Variants in RMDN1 observed in about 807,000 individuals in gnomAD.
RMDN1 encodes the protein regulator of microtubule dynamics 1.
In RMDN1, 48 loss-of-function variants were observed where a neutral mutation model predicts 48.9. The ratio of observed to expected loss-of-function variants is 0.98; its 90% CI spans 0.78 to 1.25. The LOEUF (loss-of-function observed/expected upper bound fraction) is 1.25. Among genes scored for constraint, RMDN1 ranks in the 50% most tolerant of loss-of-function variants. The pLI, the probability that RMDN1 is intolerant of heterozygous loss-of-function variation, is 0.00. For synonymous variants in RMDN1, 148 were observed against 132.6 expected (o/e 1.12, Z -0.80); for missense variants, 418 against 373.4 (o/e 1.12, Z -0.98).
At chr8:86,481,314 C>G (rs1406957946) in intron 5 of RMDN1, among the ~76,000 whole-genome samples, 1 of 152,098 alleles carries the variant, frequency 6.6e-6, no homozygotes. Flanking sequence ...GTACTTAACT[C>G]ATAAGGTTGT....
chr8:86,496,212 T>C (rs1586725762), intron 2 of RMDN1, among the ~76,000 whole-genome samples: 2 of 152,306 alleles, frequency 1.3e-5, no homozygotes, highest in African/African-American at 2.4e-5. Context: ...CTTAAGTTCA[T>C]AGCGACACTG....
chr8:86,482,754 T>C (rs1814752682), intron 5 of RMDN1: 1 of 942,762 alleles, frequency 1.1e-6, no homozygotes, highest in Non-Finnish European at 1.8e-6. Context: ...CGCCATAACC[T>C]GTGTGCAACA....
At chr8:86,511,483 A>G (rs1251071762), upstream of RMDN1, among the ~76,000 whole-genome samples, 1 of 151,650 alleles carries the variant, frequency 6.6e-6, no homozygotes, top group Admixed American at 6.6e-5. Context: ...AAAGAAAAAA[A>G]AAAGAGAGAG....
intron 2 of RMDN1, among the ~76,000 whole-genome samples, chr8:86,491,039 T>C (rs929734095): frequency 1.2e-4 from 18 of 151,974 alleles, no homozygotes; most frequent in African/African-American, 4.3e-4. Flanking sequence ...ATCTTTTTTG[T>C]GTGCATTCTT....
chr8:86,487,517 G>C (rs1173443593), intron 3 of RMDN1, among the ~76,000 whole-genome samples: 1 of 152,032 alleles, frequency 6.6e-6, no homozygotes, highest in Non-Finnish European at 1.5e-5. Context: ...GAACCTGGAG[G>C]GTAGAGGTTG....
chr8:86,484,897 G>A lies in RMDN1; in HGVS notation c.560C>T (p.Ala187Val). 1.2e-6 allele frequency: 2 copies of A among 1,603,126 alleles called. No individual in the cohort carries two copies. The highest frequency in any genetic ancestry group is 1.7e-6 in the Non-Finnish European group (2 of 1,172,036). ...CTCAAAATGCTCCTTGATGATATAT[G>A]CATTTGCAATTTTAGCCTTGATGCC... ...YEGIKAKIAN[A>V]YIIKEHFEKA... The change falls in exon 5 of 10, where the codon GCA (alanine) becomes GTA (valine). Residue 187 changes from alanine (A) to valine (V), a missense_variant. Coordinates refer to ENST00000406452, the MANE Select transcript of RMDN1 (RefSeq NM_016033.3).
At chr8:86,494,668 C>A (rs1817034889) in intron 2 of RMDN1, among the ~76,000 whole-genome samples, 1 of 152,038 alleles carries the variant, frequency 6.6e-6, no homozygotes, top group Admixed American at 6.6e-5. Context: ...CTCATAGAGG[C>A]CTAGGACCTT....
At chr8:86,508,888 C>T (rs1586810614), upstream of RMDN1, 5 of 939,276 alleles carry the variant, frequency 5.3e-6, no homozygotes, top group African/African-American at 3.4e-5. Flanking sequence ...TCTTCAGGCG[C>T]TCTGACTTGT....
downstream of RMDN1, chr8:86,472,329 A>C: frequency 1.5e-6 from 1 of 671,090 alleles, no homozygotes; most frequent in Non-Finnish European, 2.7e-6. Context: ...CTGACCTCAC[A>C]TAACAGGTCA....
rs1819778497 is a variant in RMDN1, at chr8:86,508,504, G to T, written c.117C>A (p.Phe39Leu). ...ACCACGGGGGTACCTCGAAGCCGCGGAATCGACAGGGGCCGCAATGCCCGC... is the reference window on the plus strand; with the variant it reads ...ACCACGGGGGTACCTCGAAGCCGCGTAATCGACAGGGGCCGCAATGCCCGC... ...GSRGHCGPCR[F>L]RGFEVMGNPG... The change falls in exon 1 of 10, where the codon TTC (phenylalanine) becomes TTA (leucine). Residue 39 changes from phenylalanine to leucine, a missense_variant. Phe to Leu is a conservative substitution (Grantham distance 22). Transcript: ENST00000406452. The T allele has an allele frequency of 1.9e-6, 3 of 1,555,188 alleles. No individual in the cohort carries two copies. Among genetic ancestry groups the T allele is most frequent in the Middle Eastern group, 2.0e-4 (1 of 5,100 alleles).
intron 5 of RMDN1, chr8:86,482,724 A>G: frequency 2.0e-6 from 2 of 1,009,488 alleles, no homozygotes; most frequent in Non-Finnish European, 3.2e-6. Flanking sequence ...CGGTTCCATC[A>G]CAATGTGTCA....
chr8:86,498,114 G>A (rs1817660854), intron 2 of RMDN1, among the ~76,000 whole-genome samples: 1 of 152,088 alleles, frequency 6.6e-6, no homozygotes, highest in Admixed American at 6.6e-5. Context: ...AAAATCCTCA[G>A]AGACTATTAC....
chr8:86,486,334 G>T, intron 4 of RMDN1, 150 bp downstream of exon 4: 1 of 461,688 alleles, frequency 2.2e-6, no homozygotes. Flanking sequence ...CTTTAAAATA[G>T]AGAAATTATC....
At chr8:86,499,003 T>C (rs1389043615) in intron 2 of RMDN1, among the ~76,000 whole-genome samples, 11 of 152,148 alleles carry the variant, frequency 7.2e-5, no homozygotes, top group East Asian at 1.9e-4. Context: ...GAAAAGGCTT[T>C]TGATAAAATT....
chr8:86,503,920 GA>G, intron 2 of RMDN1: 1 of 726,724 alleles, frequency 1.4e-6, no homozygotes, highest in Non-Finnish European at 2.6e-6. Flanking sequence ...TAAAGCAGCT[GA>G]GTTGGTTGAA....
At chr8:86,485,189 A>G (rs1260780439) in intron 4 of RMDN1, among the ~76,000 whole-genome samples, 1 of 152,194 alleles carries the variant, frequency 6.6e-6, no homozygotes, top group African/African-American at 2.4e-5. Flanking sequence ...GTACTTTGGG[A>G]GGCCGAGGTG....
chr8:86,505,631 C>T (rs1459798853), intron 2 of RMDN1, among the ~76,000 whole-genome samples: 1 of 152,092 alleles, frequency 6.6e-6, no homozygotes, highest in Non-Finnish European at 1.5e-5. Flanking sequence ...ATACATGTCC[C>T]ATGATGGAAA....
intron 2 of RMDN1, among the ~76,000 whole-genome samples, chr8:86,497,845 C>T (rs1220146532): frequency 6.6e-6 from 1 of 151,958 alleles, no homozygotes; most frequent in African/African-American, 2.4e-5. Flanking sequence ...CCTGTAATCC[C>T]AGCACTTTGG....
chr8:86,468,885 A>G (rs12544463), downstream of RMDN1, among the ~76,000 whole-genome samples: 41,108 of 151,958 alleles, frequency 0.27, 6,422 homozygotes, highest in East Asian at 0.54. Context: ...TTCCCTTCCC[A>G]TTCCTGTTCT....
Sources: allele counts gnomAD v4.1 joint callset (sites outside exome capture counted in the v4.1 genomes callset), GRCh38; gene constraint gnomAD v4.1.1; transcripts MANE v1.5; gene names NCBI Gene and HGNC (gene_info 2026-07-23, HGNC 2026-07-21).